The following CDC42BPA variants were observed in gnomAD, a reference collection of about 807,000 sequenced individuals.
CDC42BPA encodes the protein serine/threonine-protein kinase MRCK alpha.
CDC42BPA carries 80 observed loss-of-function variants against 223.5 expected under a neutral mutation model. The observed-to-expected ratio is 0.36, with a 90% CI of 0.30 to 0.43. The LOEUF (loss-of-function observed/expected upper bound fraction) is 0.43. Ranked by LOEUF, CDC42BPA falls within the 20% of genes least tolerant of loss-of-function variation. The pLI, the probability that CDC42BPA is intolerant of heterozygous loss-of-function variation, is 1.00. For synonymous variants in CDC42BPA, 694 were observed against 718.6 expected, an observed-to-expected ratio of 0.97 and a Z score of 0.55; for missense variants, 1,743 against 2,099.9, an observed-to-expected ratio of 0.83 and a Z score of 3.32.
At chr1:227,181,726 C>G (rs1340879812) in intron 5 of CDC42BPA, among the ~76,000 whole-genome samples, 2 of 152,102 alleles carry the variant, frequency 1.3e-5, no homozygotes, top group African/African-American at 4.8e-5. Context: ...AAAAACTGTA[C>G]AGCCTAATAC....
intron 2 of CDC42BPA, among the ~76,000 whole-genome samples, chr1:227,246,944 T>C (rs988339804): frequency 1.3e-5 from 2 of 152,214 alleles, no homozygotes; most frequent in Non-Finnish European, 1.5e-5. Context: ...CTCACACCTG[T>C]AATCCCAGCA....
intron 6 of CDC42BPA, 40 bp downstream of exon 6, chr1:227,160,503 T>C (rs1408945590): frequency 1.7e-6 from 2 of 1,205,006 alleles, no homozygotes; most frequent in Admixed American, 1.7e-5. Context: ...GCAAGGGAAA[T>C]GTCTGTGAAC....
chr1:227,092,487 A>G (rs955141717), intron 15 of CDC42BPA, among the ~76,000 whole-genome samples: 1 of 152,218 alleles, frequency 6.6e-6, no homozygotes, highest in African/African-American at 2.4e-5. Context: ...CTTCACATGC[A>G]TTACGTTCTA....
chr1:227,175,938 C>A (rs1666879647), intron 5 of CDC42BPA, among the ~76,000 whole-genome samples: 1 of 152,126 alleles, frequency 6.6e-6, no homozygotes, highest in African/African-American at 2.4e-5. Flanking sequence ...TTTCACCACA[C>A]AGAGCTGTAT....
At chr1:227,293,834 A>G (rs1690132810) in intron 1 of CDC42BPA, among the ~76,000 whole-genome samples, 4 of 151,964 alleles carry the variant, frequency 2.6e-5, no homozygotes, top group Non-Finnish European at 5.9e-5. Context: ...TCTATTTCAC[A>G]TTTTCTTCAC....
chr1:227,157,024 A>T (rs901680653), intron 6 of CDC42BPA, among the ~76,000 whole-genome samples: 1 of 152,232 alleles, frequency 6.6e-6, no homozygotes, highest in Non-Finnish European at 1.5e-5. Flanking sequence ...CTAGAGCAGT[A>T]TAATTCCATA....
intron 34 of CDC42BPA, among the ~76,000 whole-genome samples, chr1:227,013,673 A>G (rs906309690): frequency 6.6e-6 from 1 of 152,138 alleles, no homozygotes; most frequent in Non-Finnish European, 1.5e-5. Context: ...TTCTAGCTAC[A>G]TTGTTGGAAT....
At chr1:227,144,314 T>C (rs560736716) in intron 8 of CDC42BPA, among the ~76,000 whole-genome samples, 22 of 152,240 alleles carry the variant, frequency 1.4e-4, no homozygotes, top group East Asian at 5.8e-4. Flanking sequence ...CAGTGGCTCA[T>C]GCCTATAATC....
intron 7 of CDC42BPA, among the ~76,000 whole-genome samples, chr1:227,147,144 T>G (rs1243141666): frequency 1.3e-5 from 2 of 152,126 alleles, no homozygotes; most frequent in African/African-American, 4.8e-5. Flanking sequence ...ACCACTTAAT[T>G]TCCTACTTAG....
intron 1 of CDC42BPA, 65 bp downstream of exon 1, chr1:227,316,940 C>A: frequency 8.2e-7 from 1 of 1,225,396 alleles, no homozygotes; most frequent in African/African-American, 1.5e-5. Context: ...TCATAACTCT[C>A]TATACCAATT....
rs1694647282 is a variant in CDC42BPA, at chr1:227,317,825, C to T, written c.-643G>A. 5.0e-6 allele frequency: 2 copies of T among 398,668 alleles called. No homozygotes were observed. Among genetic ancestry groups the T allele is most frequent in the Non-Finnish European group, 8.8e-6 (2 of 226,092 alleles). The allele number at this position is 398,668 out of a possible 1,614,324, so 24.7% of individuals were successfully genotyped here. ...GGCTCGGAGCACGCCAAGTCTTGCC[C>T]GGAGGCGGCTTTTCGTTTCTCCTCC... On this transcript the variant is annotated 5_prime_UTR_variant, in exon 1 of 37. Transcript: ENST00000366766.
At chr1:227,162,934 G>GTGTGTGTATATT (rs1183616901) in intron 5 of CDC42BPA, among the ~76,000 whole-genome samples, 14 of 144,134 alleles carry the variant, frequency 9.7e-5, no homozygotes, top group African/African-American at 3.9e-4. Context: ...CCAAACATAT[G>GTGTGTGTATATT]TGTGTGTTTC....
intron 3 of CDC42BPA, among the ~76,000 whole-genome samples, chr1:227,200,075 T>C (rs4322202): frequency 0.68 from 103,758 of 151,956 alleles, 35,654 homozygotes; most frequent in South Asian, 0.73. Context: ...AGTCAGTGGA[T>C]AGTCCAATTA....
intron 3 of CDC42BPA, among the ~76,000 whole-genome samples, chr1:227,206,258 T>C (rs11808928): frequency 0.15 from 23,514 of 152,138 alleles, 2,243 homozygotes; most frequent in African/African-American, 0.25. Context: ...TAGGAGGCTG[T>C]TGATAAACTA....
chr1:227,075,056 G>A (rs1679176587), intron 17 of CDC42BPA, among the ~76,000 whole-genome samples: 1 of 152,156 alleles, frequency 6.6e-6, no homozygotes, highest in Non-Finnish European at 1.5e-5. Flanking sequence ...CAAGTGGGGA[G>A]AAGGTGAGGG....
chr1:227,200,466 A>G (rs1214214115), intron 3 of CDC42BPA, among the ~76,000 whole-genome samples: 1 of 151,262 alleles, frequency 6.6e-6, no homozygotes, highest in African/African-American at 2.4e-5. Flanking sequence ...CGAAAGAAAG[A>G]AAGAAAACAA....
At chr1:227,070,070 T>G (rs1175063255) in intron 20 of CDC42BPA, among the ~76,000 whole-genome samples, 1 of 151,918 alleles carries the variant, frequency 6.6e-6, no homozygotes, top group Non-Finnish European at 1.5e-5. Context: ...CATGAAATGC[T>G]TATTTATGTT....
At chr1:227,190,378 C>G (rs966458567) in intron 5 of CDC42BPA, among the ~76,000 whole-genome samples, 1 of 152,176 alleles carries the variant, frequency 6.6e-6, no homozygotes, top group Non-Finnish European at 1.5e-5. Context: ...TTTTAGATGA[C>G]ATCTGAATCA....
chr1:227,214,527 G>A (rs974068058), intron 2 of CDC42BPA, among the ~76,000 whole-genome samples: 8 of 152,120 alleles, frequency 5.3e-5, no homozygotes, highest in Non-Finnish European at 7.4e-5. Flanking sequence ...TCTCTGAAGC[G>A]GTGAACACAC....
Sources: allele counts gnomAD v4.1 joint callset (sites outside exome capture counted in the v4.1 genomes callset), GRCh38; gene constraint gnomAD v4.1.1; transcripts MANE v1.5; gene names NCBI Gene and HGNC (gene_info 2026-07-23, HGNC 2026-07-21).